The following GABRB1 variants were observed in gnomAD, a reference collection of about 807,000 sequenced individuals.
GABRB1 encodes the protein gamma-aminobutyric acid type A receptor subunit beta1, also known as gamma-aminobutyric acid receptor subunit beta-1.
In GABRB1, 17 loss-of-function variants were observed where a neutral mutation model predicts 51.6. The observed-to-expected ratio is 0.33, with a 90% CI of 0.23 to 0.49. The LOEUF is 0.49. GABRB1 is among the 20% of genes least tolerant of loss of function. The pLI is 0.99. For missense variants in GABRB1, 410 were observed against 600.6 expected, an observed-to-expected ratio of 0.68 and a Z score of 3.32; for synonymous variants, 247 against 218.9, an observed-to-expected ratio of 1.13 and a Z score of -1.14.
chr4:47,200,389 T>TGGAA (rs1197478562), intron 4 of GABRB1, among the ~76,000 whole-genome samples: 1 of 152,130 alleles, frequency 6.6e-6, no homozygotes, highest in Non-Finnish European at 1.5e-5. Context: ...ACCAGGACAT[T>TGGAA]GGAAGGATCA....
At chr4:47,066,405 A>G (rs2109537201) in intron 3 of GABRB1, among the ~76,000 whole-genome samples, 1 of 152,264 alleles carries the variant, frequency 6.6e-6, no homozygotes, top group Admixed American at 6.5e-5. Context: ...TTCATGAAAG[A>G]CTTCTCTATA....
At chr4:47,165,289 A>G (rs1258382470) in intron 4 of GABRB1, among the ~76,000 whole-genome samples, 1 of 151,792 alleles carries the variant, frequency 6.6e-6, no homozygotes, top group Non-Finnish European at 1.5e-5. Flanking sequence ...CTCTTTACAG[A>G]CTTTGCTCCC....
chr4:47,316,055 A>G (rs1219643897), intron 4 of GABRB1, among the ~76,000 whole-genome samples: 1 of 151,538 alleles, frequency 6.6e-6, no homozygotes, highest in Non-Finnish European at 1.5e-5. Context: ...TAAAAATTAT[A>G]TAATAAATAT....
At chr4:47,386,011 T>G (rs1479671775) in intron 5 of GABRB1, among the ~76,000 whole-genome samples, 2 of 152,208 alleles carry the variant, frequency 1.3e-5, no homozygotes, top group Non-Finnish European at 2.9e-5. Context: ...AGCACCTTGA[T>G]GTGTTCACCA....
At chr4:47,354,410 A>C (rs1478051301) in intron 5 of GABRB1, among the ~76,000 whole-genome samples, 1 of 152,074 alleles carries the variant, frequency 6.6e-6, no homozygotes, top group Admixed American at 6.6e-5. Flanking sequence ...TTATTCACAA[A>C]CTCTTTCTTC....
chr4:47,397,197 C>T (rs1308021940), intron 5 of GABRB1, among the ~76,000 whole-genome samples: 1 of 152,130 alleles, frequency 6.6e-6, no homozygotes, highest in Non-Finnish European at 1.5e-5. Flanking sequence ...GTTAGAAAGG[C>T]CTCATCCATG....
chr4:47,246,990 G>A (rs1343741074), intron 4 of GABRB1, among the ~76,000 whole-genome samples: 1 of 152,004 alleles, frequency 6.6e-6, no homozygotes, highest in Non-Finnish European at 1.5e-5. Context: ...TTACTCTGCT[G>A]ACTATTCTAT....
intron 5 of GABRB1, among the ~76,000 whole-genome samples, chr4:47,372,209 C>T (rs904839053): frequency 6.6e-6 from 1 of 152,178 alleles, no homozygotes; most frequent in East Asian, 1.9e-4. Context: ...TTCCCCATTG[C>T]TTGTTTTTGT....
At chr4:47,012,646 C>T (rs1289935508) in intron 1 of GABRB1, among the ~76,000 whole-genome samples, 4 of 152,120 alleles carry the variant, frequency 2.6e-5, no homozygotes, top group Admixed American at 6.5e-5. Flanking sequence ...ATGTAAAGTC[C>T]AATGTTGTTT....
chr4:47,418,194 C>G (rs1050049138), intron 8 of GABRB1, among the ~76,000 whole-genome samples: 5 of 152,114 alleles, frequency 3.3e-5, no homozygotes, highest in African/African-American at 1.2e-4. Context: ...GAAACAGAAC[C>G]AATAGAAACA....
At chr4:47,044,021 C>T (rs142003465) in intron 3 of GABRB1, among the ~76,000 whole-genome samples, 1 of 152,174 alleles carries the variant, frequency 6.6e-6, no homozygotes, top group East Asian at 1.9e-4. Flanking sequence ...TCAGCAATTT[C>T]CTGAATTTGG....
At chr4:47,338,746 G>A (rs1009104823) in intron 5 of GABRB1, among the ~76,000 whole-genome samples, 4 of 152,154 alleles carry the variant, frequency 2.6e-5, no homozygotes, top group African/African-American at 9.7e-5. Context: ...TAGAAAAGGA[G>A]GTGATGTGAT....
At chr4:47,123,526 C>T (rs1279491020) in intron 3 of GABRB1, among the ~76,000 whole-genome samples, 1 of 82,760 alleles carries the variant, frequency 1.2e-5, no homozygotes, top group Non-Finnish European at 2.1e-5. Flanking sequence ...TAATATATTA[C>T]ATTATTTCAT....
intron 1 of GABRB1, among the ~76,000 whole-genome samples, chr4:46,999,213 A>T (rs1724104602): frequency 6.6e-6 from 1 of 152,156 alleles, no homozygotes; most frequent in Admixed American, 6.5e-5. Context: ...GATTCATTTG[A>T]TGGCCATTTA....
chr4:47,416,533 C>A (rs1453363982), intron 8 of GABRB1, among the ~76,000 whole-genome samples: 1 of 151,770 alleles, frequency 6.6e-6, no homozygotes, highest in Admixed American at 6.6e-5. Context: ...TCACTGCAAC[C>A]TCTGCCTCCC....
At chr4:47,255,825 T>C (rs1722176504) in intron 4 of GABRB1, among the ~76,000 whole-genome samples, 1 of 152,128 alleles carries the variant, frequency 6.6e-6, no homozygotes. Context: ...GGACCACACT[T>C]TGAGAACCAT....
rs117236291 is a variant in GABRB1 at position 47,000,524 on chromosome 4, G to A, written c.-20+6598G>A. Among the ~76,000 whole-genome samples the A allele has an allele frequency of 1.0e-3, 157 of 152,294 alleles. No homozygotes were observed. In the East Asian group the frequency reaches 0.019, roughly 18 times the overall value. On this transcript the variant is annotated intron_variant, in intron 1 of 3. Transcript: ENST00000513567. ...ATGATACTCTTTCACAGTGCACATA[G>A]TTTGACTAGGCTCATATGGTGGTTT...
At chr4:47,185,900 C>T (rs1719157972) in intron 4 of GABRB1, among the ~76,000 whole-genome samples, 1 of 151,812 alleles carries the variant, frequency 6.6e-6, no homozygotes, top group Non-Finnish European at 1.5e-5. Context: ...TTAAAGCTAA[C>T]AGCAACAGAT....
At chr4:47,142,815 C>A (rs1380297051) in intron 3 of GABRB1, among the ~76,000 whole-genome samples, 2 of 151,774 alleles carry the variant, frequency 1.3e-5, no homozygotes, top group East Asian at 3.9e-4. Context: ...AATGCATGAC[C>A]AAGATGTGCC....
Sources: allele counts gnomAD v4.1 joint callset (sites outside exome capture counted in the v4.1 genomes callset), GRCh38; gene constraint gnomAD v4.1.1; transcripts MANE v1.5; gene names NCBI Gene and HGNC (gene_info 2026-07-23, HGNC 2026-07-21).